KLHL1: variants seen among roughly 807,000 people sequenced by gnomAD.
KLHL1 encodes kelch like family member 1.
KLHL1 carries 47 observed loss-of-function variants against 77.7 expected under a neutral mutation model. The ratio of observed to expected loss-of-function variants is 0.60; its 90% CI spans 0.48 to 0.77. The LOEUF is 0.77. KLHL1 is among the 30% of genes least tolerant of loss of function. The pLI, the probability that KLHL1 is intolerant of heterozygous loss-of-function variation, is 0.00. For missense variants in KLHL1, 925 were observed against 910.8 expected (o/e 1.02, Z -0.20); for synonymous variants, 360 against 325.2 (o/e 1.11, Z -1.15).
chr13:70,014,363 G>C (rs983343412), intron 1 of KLHL1, among the ~76,000 whole-genome samples: 1 of 152,044 alleles, frequency 6.6e-6, no homozygotes, highest in Non-Finnish European at 1.5e-5. Flanking sequence ...GTACAACTTT[G>C]TCAAAAATCA....
At chr13:69,792,710 G>A (rs1428075712) in intron 7 of KLHL1, among the ~76,000 whole-genome samples, 2 of 152,056 alleles carry the variant, frequency 1.3e-5, no homozygotes, top group African/African-American at 4.8e-5. Context: ...TCCATAAACG[G>A]AATGAAATAT....
At chr13:70,026,703 GGT>G (rs3072710) in intron 1 of KLHL1, among the ~76,000 whole-genome samples, 11,828 of 84,980 alleles carry the variant, frequency 0.14, 463 homozygotes, top group Middle Eastern at 0.17. Flanking sequence ...AAGAACTTAG[GGT>G]GTGTGTGTGT....
At chr13:69,762,095 A>G (rs978401828) in intron 7 of KLHL1, among the ~76,000 whole-genome samples, 2 of 152,184 alleles carry the variant, frequency 1.3e-5, no homozygotes, top group Admixed American at 1.3e-4. Context: ...TGCTAACAGT[A>G]GCTAAAAGGT....
Position 69,745,396 on chromosome 13 carries a change from TATTA to T in KLHL1, c.1640-4844_1640-4841del, listed in dbSNP as rs1874165084. ...AATTGTCAATTTTAAAAAGTATACTTATTAATTCTTTGTTAATATTTGCATTACA... is the reference window on the plus strand; with the variant it reads ...AATTGTCAATTTTAAAAAGTATACTTATTCTTTGTTAATATTTGCATTACA... On this transcript the variant is annotated intron_variant, in intron 7 of 10. Transcript: ENST00000377844. Among the ~76,000 whole-genome samples the T allele has an allele frequency of 3.9e-5, 6 of 152,062 alleles. No homozygotes were observed. The South Asian group carries it at 1.2e-3, about 31-fold the overall frequency.
At chr13:69,983,576 C>CAAAAAAAAAAAAAAA (rs1282357751) in intron 1 of KLHL1, among the ~76,000 whole-genome samples, 31 of 40,356 alleles carry the variant, frequency 7.7e-4, no homozygotes, top group African/African-American at 3.3e-3. Flanking sequence ...CCTATCTTTA[C>CAAAAAAAAAAAAAAA]AAAAAAAAAA....
At chr13:70,028,890 T>C (rs1278754087) in intron 1 of KLHL1, among the ~76,000 whole-genome samples, 3 of 151,762 alleles carry the variant, frequency 2.0e-5, no homozygotes, top group South Asian at 2.1e-4. Flanking sequence ...GGTGGGAGGA[T>C]CGCTTGAACC....
At chr13:69,992,708 A>G (rs934012891) in intron 1 of KLHL1, among the ~76,000 whole-genome samples, 1 of 151,938 alleles carries the variant, frequency 6.6e-6, no homozygotes, top group African/African-American at 2.4e-5. Flanking sequence ...CAGCTAAAGA[A>G]ACATGATTAG....
intron 1 of KLHL1, among the ~76,000 whole-genome samples, chr13:70,071,817 A>G (rs976206777): frequency 8.5e-5 from 13 of 152,126 alleles, no homozygotes; most frequent in African/African-American, 2.9e-4. Flanking sequence ...ATATGTTCAA[A>G]GCATGGAATA....
chr13:70,050,694 A>T (rs757240631), intron 1 of KLHL1, among the ~76,000 whole-genome samples: 40 of 152,012 alleles, frequency 2.6e-4, no homozygotes, highest in Non-Finnish European at 5.3e-4. Context: ...TGCATTCAAA[A>T]AATATTTTAA....
At chr13:69,868,013 AAAC>A (rs1488922985) in intron 5 of KLHL1, among the ~76,000 whole-genome samples, 244 of 145,110 alleles carry the variant, frequency 1.7e-3, no homozygotes, top group African/African-American at 6.5e-3. Flanking sequence ...AAAAAACAAA[AAAC>A]AAAATAATAA....
chr13:70,094,393 T>TATATATATATATATATATATATATA (rs1887738580), intron 1 of KLHL1, among the ~76,000 whole-genome samples: 55 of 137,198 alleles, frequency 4.0e-4, no homozygotes, highest in African/African-American at 1.5e-3. Context: ...GCAATCATCT[T>TATATATATATATATATATATATATA]TATATATATA....
intron 1 of KLHL1, among the ~76,000 whole-genome samples, chr13:70,026,158 G>C (rs1465095559): frequency 6.6e-6 from 1 of 151,920 alleles, no homozygotes; most frequent in African/African-American, 2.4e-5. Context: ...AAATAATCTA[G>C]GTAAATGGAC....
chr13:70,107,854 GC>G lies in KLHL1; in HGVS notation c.-156del. 1.7e-6 allele frequency: 1 copy of G among 600,700 alleles called. No homozygotes were observed. Among genetic ancestry groups the G allele is most frequent in the Non-Finnish European group, 2.8e-6 (1 of 362,262 alleles). 37.2% of individuals were successfully genotyped at this position (600,700 alleles called of 1,614,324 possible). Reference sequence around the variant, plus strand: ...AGACGCTAGGTGGGCTGCGCGCTCTGCCAGGCGAAGGCTGGAGCGCAGACGG... The same window carrying G: ...AGACGCTAGGTGGGCTGCGCGCTCTGCAGGCGAAGGCTGGAGCGCAGACGG... On this transcript the variant is annotated 5_prime_UTR_variant, in exon 1 of 11. Transcript: ENST00000377844.
intron 4 of KLHL1, among the ~76,000 whole-genome samples, chr13:69,915,695 T>C (rs1475580300): frequency 6.6e-6 from 1 of 152,086 alleles, no homozygotes; most frequent in African/African-American, 2.4e-5. Flanking sequence ...AAGGACTTCA[T>C]GTCTAAAACA....
intron 7 of KLHL1, among the ~76,000 whole-genome samples, chr13:69,781,231 G>T (rs1320832921): frequency 1.3e-5 from 2 of 150,570 alleles, no homozygotes; most frequent in African/African-American, 4.9e-5. Flanking sequence ...AGGAAAGGAG[G>T]TCTTTGAATC....
chr13:69,700,936 A>C lies in KLHL1; in HGVS notation c.*766T>G, dbSNP rs1227575318. ...TCCATGCTTACACTGAACTCAACATAAGGCAAAAGCCCAATAATTACACTG... is the reference window on the plus strand; with the variant it reads ...TCCATGCTTACACTGAACTCAACATCAGGCAAAAGCCCAATAATTACACTG... On this transcript the variant is annotated 3_prime_UTR_variant, in exon 11 of 11. Transcript: ENST00000377844. The C allele has an allele frequency of 6.6e-6, 1 of 152,378 alleles. No homozygotes were observed. The highest frequency in any genetic ancestry group is 1.5e-5 in the Non-Finnish European group (1 of 67,850). 9.4% of individuals were successfully genotyped at this position (152,378 alleles called of 1,614,324 possible).
chr13:69,783,942 G>A (rs944119811), intron 7 of KLHL1, among the ~76,000 whole-genome samples: 3 of 151,920 alleles, frequency 2.0e-5, no homozygotes, highest in Admixed American at 1.3e-4. Flanking sequence ...AAGGAAGGTC[G>A]GGTTACCCAC....
intron 2 of KLHL1, among the ~76,000 whole-genome samples, chr13:69,963,314 ATTTG>A (rs1420225223): frequency 6.6e-6 from 1 of 152,048 alleles, no homozygotes; most frequent in Non-Finnish European, 1.5e-5. Context: ...AATTTACTCT[ATTTG>A]TTCTTCGGAT....
intron 1 of KLHL1, among the ~76,000 whole-genome samples, chr13:70,012,523 G>A (rs55791676): frequency 3.4e-4 from 52 of 152,204 alleles, no homozygotes; most frequent in African/African-American, 1.1e-3. Context: ...AGTCTTTGAA[G>A]AGGGGGAGGG....
Sources: allele counts gnomAD v4.1 joint callset (sites outside exome capture counted in the v4.1 genomes callset), GRCh38; gene constraint gnomAD v4.1.1; transcripts MANE v1.5; gene names NCBI Gene and HGNC (gene_info 2026-07-23, HGNC 2026-07-21).